KCNT2: variants seen among roughly 807,000 people sequenced by gnomAD.
KCNT2 encodes potassium sodium-activated channel subfamily T member 2.
KCNT2 carries 67 observed loss-of-function variants against 153.8 expected under a neutral mutation model. The ratio of observed to expected loss-of-function variants is 0.44; its 90% CI spans 0.36 to 0.53. KCNT2 has a LOEUF of 0.53. Among genes scored for constraint, KCNT2 ranks in the 20% least tolerant of loss-of-function variants. KCNT2 has a pLI of 0.00. For synonymous variants in KCNT2, 500 were observed against 458.8 expected (o/e 1.09, Z -1.15); for missense variants, 975 against 1,354.8 (o/e 0.72, Z 4.40).
chr1:196,408,995 T>A (rs563909561), intron 12 of KCNT2, among the ~76,000 whole-genome samples: 1 of 151,538 alleles, frequency 6.6e-6, no homozygotes, highest in African/African-American at 2.4e-5. Context: ...TTTTTACTCC[T>A]CCTTTCAGTT....
At chr1:196,514,641 A>G (rs562375881) in intron 1 of KCNT2, among the ~76,000 whole-genome samples, 4 of 152,338 alleles carry the variant, frequency 2.6e-5, no homozygotes, top group South Asian at 4.1e-4. Flanking sequence ...TACATATTTA[A>G]ATGTGTTGCA....
At chr1:196,398,442 C>A in intron 13 of KCNT2, 121 bp downstream of exon 13, 1 of 549,316 alleles carries the variant, frequency 1.8e-6, no homozygotes. Flanking sequence ...TTTTAATAAT[C>A]ATTTTCAGTT....
At chr1:196,577,313 G>A (rs943068506) in intron 1 of KCNT2, among the ~76,000 whole-genome samples, 28 of 152,082 alleles carry the variant, frequency 1.8e-4, no homozygotes, top group African/African-American at 6.0e-4. Flanking sequence ...CCTGAGAAAC[G>A]AGAAACAAAT....
At chr1:196,594,065 G>A (rs575313852) in intron 1 of KCNT2, among the ~76,000 whole-genome samples, 2 of 152,074 alleles carry the variant, frequency 1.3e-5, no homozygotes, top group South Asian at 4.1e-4. Context: ...ACCTATGTGA[G>A]TATGAGATGG....
chr1:196,405,069 C>T (rs1175646230), intron 12 of KCNT2, among the ~76,000 whole-genome samples: 1 of 151,228 alleles, frequency 6.6e-6, no homozygotes, highest in African/African-American at 2.4e-5. Context: ...AGGAAAAGAG[C>T]TGTATAACAT....
At chr1:196,575,567 A>G (rs993736101) in intron 1 of KCNT2, among the ~76,000 whole-genome samples, 19 of 151,322 alleles carry the variant, frequency 1.3e-4, no homozygotes, top group Non-Finnish European at 2.4e-4. Flanking sequence ...TTACTTGGAC[A>G]TATGAGAGAT....
At chr1:196,511,689 G>T (rs1020911023) in intron 1 of KCNT2, among the ~76,000 whole-genome samples, 19 of 152,082 alleles carry the variant, frequency 1.2e-4, no homozygotes, top group African/African-American at 4.6e-4. Flanking sequence ...CAGATGTCTG[G>T]TTACTCACTG....
At chr1:196,359,296 A>G (rs1218342304) in intron 14 of KCNT2, among the ~76,000 whole-genome samples, 1 of 151,966 alleles carries the variant, frequency 6.6e-6, no homozygotes, top group Non-Finnish European at 1.5e-5. Context: ...CCAACAGAAA[A>G]TATTGCTTTG....
intron 8 of KCNT2, among the ~76,000 whole-genome samples, chr1:196,464,535 A>C (rs2148658975): frequency 6.6e-6 from 1 of 151,878 alleles, no homozygotes; most frequent in Admixed American, 6.6e-5. Flanking sequence ...CTTTTTTAGT[A>C]CTTCCTAATT....
intron 26 of KCNT2, among the ~76,000 whole-genome samples, chr1:196,249,505 G>A (rs544717522): frequency 2.5e-4 from 38 of 152,294 alleles, no homozygotes; most frequent in African/African-American, 9.1e-4. Flanking sequence ...AGACATGGTG[G>A]CTCATGCCTG....
chr1:196,542,160 A>G (rs1656466224), intron 1 of KCNT2, among the ~76,000 whole-genome samples: 1 of 152,158 alleles, frequency 6.6e-6, no homozygotes, highest in Non-Finnish European at 1.5e-5. Flanking sequence ...TTAAATAACC[A>G]ACTCATTTAC....
At chr1:196,274,544 G>A (rs1658372439) in intron 25 of KCNT2, among the ~76,000 whole-genome samples, 1 of 151,602 alleles carries the variant, frequency 6.6e-6, no homozygotes, top group Non-Finnish European at 1.5e-5. Context: ...TAATCTTAAT[G>A]AGATTTTATA....
chr1:196,588,400 G>T (rs1298059442), intron 1 of KCNT2, among the ~76,000 whole-genome samples: 1 of 151,968 alleles, frequency 6.6e-6, no homozygotes, highest in Non-Finnish European at 1.5e-5. Flanking sequence ...TTTATCATTA[G>T]CTTCTCCAAG....
At chr1:196,452,324 T>C (rs987908796) in intron 8 of KCNT2, among the ~76,000 whole-genome samples, 2 of 151,994 alleles carry the variant, frequency 1.3e-5, no homozygotes, top group East Asian at 1.9e-4. Flanking sequence ...ATATGAAATA[T>C]ATTGATGATT....
chr1:196,402,932 AC>A (rs1671540512), intron 12 of KCNT2, among the ~76,000 whole-genome samples: 1 of 151,692 alleles, frequency 6.6e-6, no homozygotes, highest in South Asian at 2.1e-4. Context: ...TAGAGAGGAC[AC>A]AGATCAACAG....
chr1:196,313,266 G>T (rs917614455), intron 21 of KCNT2, among the ~76,000 whole-genome samples: 1 of 151,594 alleles, frequency 6.6e-6, no homozygotes, highest in Non-Finnish European at 1.5e-5. Context: ...TAGAAAATGA[G>T]TAGCACTACT....
intron 13 of KCNT2, among the ~76,000 whole-genome samples, chr1:196,381,151 T>C (rs1311417358): frequency 6.6e-6 from 1 of 152,186 alleles, no homozygotes. Flanking sequence ...TCCAGTTGCT[T>C]CAATACTTAT....
chr1:196,525,651 A>G (rs932165023), intron 1 of KCNT2, among the ~76,000 whole-genome samples: 2 of 152,228 alleles, frequency 1.3e-5, no homozygotes, highest in African/African-American at 4.8e-5. Flanking sequence ...AAATTTGTGA[A>G]TTCATGAGGT....
At chr1:196,326,074 T>A (rs2148068818) in intron 19 of KCNT2, among the ~76,000 whole-genome samples, 1 of 152,236 alleles carries the variant, frequency 6.6e-6, no homozygotes, top group South Asian at 2.1e-4. Context: ...CAGAGACGGA[T>A]ATTATAATTT....
Sources: gnomAD v4.1 joint callset for allele counts (sites outside exome capture counted in the v4.1 genomes callset) on GRCh38, gnomAD v4.1.1 for gene constraint, MANE v1.5 for transcripts, NCBI Gene and HGNC (gene_info 2026-07-23, HGNC 2026-07-21) for gene names.